DHRSX: variants seen among roughly 807,000 people sequenced by gnomAD.
DHRSX encodes the protein polyprenol dehydrogenase.
In DHRSX, 31 loss-of-function variants were observed where a neutral mutation model predicts 34.0. That is an observed-to-expected ratio of 0.91 (90% CI 0.69 to 1.23). DHRSX has a LOEUF of 1.23. DHRSX is among the 50% of genes most tolerant of loss of function. The pLI is 0.00. For missense variants in DHRSX, 414 were observed against 428.1 expected (o/e 0.97, Z 0.29); for synonymous variants, 201 against 183.8 (o/e 1.09, Z -0.76).
At chrX:2,227,203 G>T (rs2015686856) in intron 6 of DHRSX, among the ~76,000 whole-genome samples, 1 of 151,968 alleles carries the variant, frequency 6.6e-6, no homozygotes. Flanking sequence ...TGCACCTGCT[G>T]GGAACAACTC....
At position 2,234,640 on chromosome X, in the gene DHRSX, T is replaced by A. The variant is rs183898894; in HGVS notation, c.804+8383A>T. 4.1e-3 allele frequency among the ~76,000 whole-genome samples: 622 copies of A among 152,394 alleles called. 1 individual carries two copies. Among genetic ancestry groups the A allele is most frequent in the Middle Eastern group, 0.01 (3 of 294 alleles). On this transcript the variant is annotated intron_variant, in intron 6 of 6. Transcript: ENST00000334651. Reference sequence around the variant, plus strand: ...CACCATGGAATATTATGCAGTCATATCAAAGAATGAAATCATGTCTTTTGC... The same window carrying A: ...CACCATGGAATATTATGCAGTCATAACAAAGAATGAAATCATGTCTTTTGC...
chrX:2,449,536 C>A (rs7877815), intron 1 of DHRSX, among the ~76,000 whole-genome samples: 1 of 151,948 alleles, frequency 6.6e-6, no homozygotes, highest in East Asian at 1.9e-4. Context: ...AGGCGATTGC[C>A]CAACCTGGAG....
At chrX:2,313,900 C>G (rs1410426869) in intron 3 of DHRSX, among the ~76,000 whole-genome samples, 1 of 151,976 alleles carries the variant, frequency 6.6e-6, no homozygotes, top group Non-Finnish European at 1.5e-5. Flanking sequence ...TGGGACAACT[C>G]AACCTGGGGG....
At chrX:2,374,332 CTCAGGGCTGTAA>C (rs1423471056) in intron 3 of DHRSX, among the ~76,000 whole-genome samples, 4 of 152,100 alleles carry the variant, frequency 2.6e-5, no homozygotes, top group African/African-American at 9.7e-5. Context: ...TGAGGCCAGG[CTCAGGGCTGTAA>C]TCCCAGCACT....
At chrX:2,287,456 A>G (rs1399613895) in intron 4 of DHRSX, among the ~76,000 whole-genome samples, 8 of 152,136 alleles carry the variant, frequency 5.3e-5, no homozygotes, top group African/African-American at 1.9e-4. Flanking sequence ...AGATGTCCAC[A>G]TCCTAATCCC....
At chrX:2,242,817 G>T (rs900199354) in intron 6 of DHRSX, among the ~76,000 whole-genome samples, 1 of 152,038 alleles carries the variant, frequency 6.6e-6, no homozygotes, top group African/African-American at 2.4e-5. Flanking sequence ...CCAACCAGCG[G>T]CCGCCGGGGA....
At chrX:2,342,640 G>C (rs993149107) in intron 3 of DHRSX, among the ~76,000 whole-genome samples, 1 of 152,124 alleles carries the variant, frequency 6.6e-6, no homozygotes, top group Non-Finnish European at 1.5e-5. Flanking sequence ...ACGGATGCCT[G>C]GGCTGGCCCA....
At chrX:2,426,281 G>A (rs959586186) in intron 1 of DHRSX, among the ~76,000 whole-genome samples, 10 of 152,092 alleles carry the variant, frequency 6.6e-5, no homozygotes, top group Non-Finnish European at 1.3e-4. Context: ...TGGTTAAGAC[G>A]AGTGATCCAC....
At chrX:2,459,372 A>G (rs1026484413) in intron 1 of DHRSX, among the ~76,000 whole-genome samples, 3 of 151,800 alleles carry the variant, frequency 2.0e-5, no homozygotes, top group African/African-American at 4.8e-5. Flanking sequence ...AATTAGCTTG[A>G]TTGTTAATAT....
chrX:2,267,054 G>C (rs1414377871), intron 4 of DHRSX, 107 bp from the exon 5 acceptor site: 11 of 1,146,290 alleles, frequency 9.6e-6, no homozygotes, highest in African/African-American at 3.0e-5. Context: ...CGGAGGGTGG[G>C]GTGTAGAGCT....
At chrX:2,251,676 C>A (rs1313532551) in intron 5 of DHRSX, among the ~76,000 whole-genome samples, 3 of 152,096 alleles carry the variant, frequency 2.0e-5, no homozygotes, top group Non-Finnish European at 4.4e-5. Context: ...AAAAAAATGG[C>A]CTTGCTGAGG....
chrX:2,276,734 A>AGAGAGAGAGAGAG (rs973666279), intron 4 of DHRSX, among the ~76,000 whole-genome samples: 1 of 141,946 alleles, frequency 7.0e-6, no homozygotes, highest in Non-Finnish European at 1.6e-5. Context: ...AAGGGCAATC[A>AGAGAGAGAGAGAG]GAGAGAGAGA....
chrX:2,276,347 C>T (rs780734875), intron 4 of DHRSX, among the ~76,000 whole-genome samples: 173 of 152,254 alleles, frequency 1.1e-3, no homozygotes, highest in African/African-American at 3.9e-3. Context: ...GGAGCATTCA[C>T]GGAATCTGTC....
intron 5 of DHRSX, among the ~76,000 whole-genome samples, chrX:2,248,985 A>T (rs961580720): frequency 1.1e-4 from 17 of 152,074 alleles, no homozygotes; most frequent in South Asian, 4.2e-4. Context: ...TCTCCTATTC[A>T]TCTGCTTTTG....
intron 3 of DHRSX, among the ~76,000 whole-genome samples, chrX:2,404,173 C>G (rs780329230): frequency 2.0e-5 from 3 of 152,144 alleles, no homozygotes; most frequent in Non-Finnish European, 2.9e-5. Context: ...GATCATTTAA[C>G]GGCCTCATAA....
At position 2,355,511 on chromosome X, in the gene DHRSX, T is replaced by TAAAA. The variant is rs767512287; in HGVS notation, c.286+53230_286+53233dup. Among the ~76,000 whole-genome samples the TAAAA allele has an allele frequency of 2.2e-3, 169 of 75,256 alleles. 14 individuals carry two copies. The highest frequency in any genetic ancestry group is 0.022 in the East Asian group (24 of 1,092). The allele number at this position is 75,256 out of a possible 152,430, so 49.4% of individuals were successfully genotyped here. On this transcript the variant is annotated intron_variant, in intron 3 of 6. Transcript: ENST00000334651. ...TGGGTGACAAGAGCGAGACCCCATC[T>TAAAA]AAAAAAAAAAAAAAAAAAAAAAAAA...
At chrX:2,316,737 G>C (rs935640705) in intron 3 of DHRSX, among the ~76,000 whole-genome samples, 2 of 152,122 alleles carry the variant, frequency 1.3e-5, no homozygotes, top group African/African-American at 4.8e-5. Flanking sequence ...CTAAGCATGT[G>C]GAGTTATTTA....
At chrX:2,422,676 G>T (rs1316298647) in intron 2 of DHRSX, among the ~76,000 whole-genome samples, 1 of 152,178 alleles carries the variant, frequency 6.6e-6, no homozygotes, top group Non-Finnish European at 1.5e-5. Flanking sequence ...AGGCCTAGTG[G>T]CTCACACTTG....
chrX:2,306,556 G>C (rs1040224856), intron 3 of DHRSX, among the ~76,000 whole-genome samples: 1 of 151,630 alleles, frequency 6.6e-6, no homozygotes, highest in Non-Finnish European at 1.5e-5. Context: ...CCACCCGCCA[G>C]GTTCAAGCGA....
Sources: allele counts gnomAD v4.1 joint callset (sites outside exome capture counted in the v4.1 genomes callset), GRCh38; gene constraint gnomAD v4.1.1; transcripts MANE v1.5; gene names NCBI Gene and HGNC (gene_info 2026-07-23, HGNC 2026-07-21).